MYH2: variants seen among roughly 807,000 people sequenced by gnomAD.
MYH2 encodes myosin heavy chain 2, also known as myosin-2.
A neutral mutation model predicts 228.1 loss-of-function variants in MYH2; 139 were observed. That is an observed-to-expected ratio of 0.61 (90% CI 0.53 to 0.70). The LOEUF (loss-of-function observed/expected upper bound fraction) is 0.70. Among genes scored for constraint, MYH2 ranks in the 30% least tolerant of loss-of-function variants. MYH2 has a pLI of 0.00. For synonymous variants in MYH2, 796 were observed against 871.1 expected (o/e 0.91, Z 1.52); for missense variants, 1,809 against 2,357.5 (o/e 0.77, Z 4.82).
intron 18 of MYH2, 36 bp downstream of exon 18, chr17:10,535,242 A>G (rs1289835676): frequency 6.2e-7 from 1 of 1,613,932 alleles, no homozygotes. Flanking sequence ...GAGGTGTGGC[A>G]GTCATCCTTT....
intron 36 of MYH2, 39 bp from the exon 37 acceptor site, chr17:10,523,705 A>G: frequency 6.2e-7 from 1 of 1,614,238 alleles, no homozygotes; most frequent in Non-Finnish European, 8.5e-7. Flanking sequence ...AGAAAGTTAT[A>G]GATGTCAGGA....
At chr17:10,547,335 A>G (rs1197484523) in intron 4 of MYH2, 140 bp downstream of exon 4, 16 of 1,161,474 alleles carry the variant, frequency 1.4e-5, no homozygotes, top group South Asian at 1.2e-4. Flanking sequence ...TACGATAGCA[A>G]TCATGAAGCC....
chr17:10,537,097 C>CT lies in MYH2; in HGVS notation c.1897+135dup. Reference sequence around the variant, plus strand: ...GAGCCACAAATGTATAATTACAAGGCTGCCTATCTATTCAATACTTGGAGG... The same window carrying CT: ...GAGCCACAAATGTATAATTACAAGGCTTGCCTATCTATTCAATACTTGGAGG... On this transcript the variant is annotated intron_variant, in intron 16 of 39. Coordinates refer to ENST00000245503, the MANE Select transcript of MYH2 (RefSeq NM_017534.6). This position sits in a 1 kb window ranked among gnomAD's most constrained non-coding sequence, Gnocchi z 4.0. 1.7e-6 allele frequency: 2 copies of CT among 1,165,718 alleles called. No homozygotes were observed. The highest frequency in any genetic ancestry group is 2.5e-6 in the Non-Finnish European group (2 of 788,420). 72.2% of individuals were successfully genotyped at this position (1,165,718 alleles called of 1,614,324 possible).
intron 4 of MYH2, among the ~76,000 whole-genome samples, chr17:10,546,020 T>C (rs1483681830): frequency 2.0e-5 from 3 of 151,930 alleles, no homozygotes; most frequent in African/African-American, 7.3e-5. Flanking sequence ...ACTTTTATTG[T>C]TTTATGGAAA....
chr17:10,535,129 G>A lies in MYH2; in HGVS notation c.2124C>T (p.Ile708=), dbSNP rs764971385. The A allele has an allele frequency of 6.8e-6, 11 of 1,614,130 alleles. No homozygotes were observed. The South Asian group carries it at 1.2e-4, about 18-fold the overall frequency. The change falls in exon 19 of 40, where the codon ATC becomes ATT. Residue 708 remains isoleucine, a synonymous_variant. Coordinates refer to ENST00000245503, the MANE Select transcript of MYH2 (RefSeq NM_017534.6). The part of the protein sequence containing the change: ...QLRCNGVLEG[I]RICRKGFPSR... ...TTGGAAATCCTTTCCTACAGATGCGGATGCCTTCCAGCACACCGTTACACC... is the reference window on the plus strand; with the variant it reads ...TTGGAAATCCTTTCCTACAGATGCGAATGCCTTCCAGCACACCGTTACACC...
At position 10,544,112 on chromosome 17, in the gene MYH2, G is replaced by C. The variant is rs2073595460; in HGVS notation, c.521C>G (p.Ser174Ter). 1 of 1,614,002 alleles carries C rather than the reference G, an allele frequency of 6.2e-7. No homozygotes were observed. Among genetic ancestry groups the C allele is most frequent in the Non-Finnish European group, 8.5e-7 (1 of 1,179,888 alleles). The change falls in exon 6 of 40, where the codon TCA (serine) becomes TGA (stop). Residue 174 changes from serine (S) to a stop codon, truncating the protein, a stop_gained. Coordinates refer to ENST00000245503, the MANE Select transcript of MYH2 (RefSeq NM_017534.6). LOFTEE classifies it high-confidence loss of function. ...AAAATCTACTTACGTGATCAGGATTGACTGATTCTCTCGGTCTACAAAAGA... is the reference window on the plus strand; with the variant it reads ...AAAATCTACTTACGTGATCAGGATTCACTGATTCTCTCGGTCTACAAAAGA... ...QFMLTDRENQ[S>*]ILITGESGAG...
chr17:10,534,691 C>A (rs540723578), intron 19 of MYH2, among the ~76,000 whole-genome samples: 1 of 152,156 alleles, frequency 6.6e-6, no homozygotes, highest in Admixed American at 6.5e-5. Flanking sequence ...CCAAGGCTGG[C>A]GGATGACCTG....
intron 29 of MYH2, 33 bp from the exon 30 acceptor site, chr17:10,526,828 A>C (rs933004945): frequency 6.2e-7 from 1 of 1,614,040 alleles, no homozygotes; most frequent in African/African-American, 1.3e-5. Flanking sequence ...ATTTTACTGG[A>C]TATTTAAATA....
chr17:10,521,289 A>G lies in MYH2; in HGVS notation c.5817T>C (p.Ser1939=). The change falls in exon 40 of 40, where the codon AGT becomes AGC. Residue 1939 remains serine (S), a synonymous_variant. Coordinates refer to ENST00000245503, the MANE Select transcript of MYH2 (RefSeq NM_017534.6). ...TGGCATCAGGACATGATCACTCTTCACTTATGACTTTTGTGTGAACCTCCC... is the reference window on the plus strand; with the variant it reads ...TGGCATCAGGACATGATCACTCTTCGCTTATGACTTTTGTGTGAACCTCCC... The part of the protein sequence containing the change: ...KSREVHTKVI[S]EE 2 of 1,613,768 alleles carry G rather than the reference A, an allele frequency of 1.2e-6. No individual in the cohort carries two copies. Among genetic ancestry groups the G allele is most frequent in the Non-Finnish European group, 1.7e-6 (2 of 1,180,014 alleles).
intron 19 of MYH2, among the ~76,000 whole-genome samples, chr17:10,533,919 G>T (rs561464483): frequency 6.6e-6 from 1 of 152,290 alleles, no homozygotes; most frequent in South Asian, 2.1e-4. Flanking sequence ...CCAATAAAAT[G>T]TAATCTGTTA....
Position 10,525,885 on chromosome 17 carries a change from T to G in MYH2, c.4188-9A>C. 1 of 1,613,710 alleles carries G rather than the reference T, an allele frequency of 6.2e-7. No homozygotes were observed. The highest frequency in any genetic ancestry group is 8.5e-7 in the Non-Finnish European group (1 of 1,179,670). Reference sequence around the variant, plus strand: ...GCTGGGCCAGCTTCTTCCTTGAATATTATACATGTTTTCAGAGAGAAGTGA... The same window carrying G: ...GCTGGGCCAGCTTCTTCCTTGAATAGTATACATGTTTTCAGAGAGAAGTGA... On this transcript the variant is annotated splice_polypyrimidine_tract_variant and intron_variant, in intron 30 of 39. Transcript: ENST00000245503. The surrounding 1 kb of genome is among the most constrained non-coding windows in gnomAD (Gnocchi z 4.2).
At chr17:10,545,740 G>T (rs186886650) in intron 4 of MYH2, among the ~76,000 whole-genome samples, 14 of 152,020 alleles carry the variant, frequency 9.2e-5, no homozygotes, top group Non-Finnish European at 1.8e-4. Flanking sequence ...AATTTTGTAC[G>T]TGCTTTTTGT....
intron 28 of MYH2, among the ~76,000 whole-genome samples, 155 bp downstream of exon 28, chr17:10,527,593 C>T (rs2073370061): frequency 6.6e-6 from 1 of 152,234 alleles, no homozygotes; most frequent in African/African-American, 2.4e-5. Context: ...AGCATTGTCC[C>T]AAGATGACCT....
Position 10,535,132 on chromosome 17 carries a change from G to C in MYH2, c.2121C>G (p.Gly707=). ...GAAATCCTTTCCTACAGATGCGGATGCCTTCCAGCACACCGTTACACCTCA... is the reference window on the plus strand; with the variant it reads ...GAAATCCTTTCCTACAGATGCGGATCCCTTCCAGCACACCGTTACACCTCA... ...HQLRCNGVLE[G]IRICRKGFPS... Residue 707 remains glycine (G), a synonymous_variant, in exon 19 of 40, where the codon GGC becomes GGG. Transcript: ENST00000245503. The C allele has an allele frequency of 6.2e-7, 1 of 1,614,188 alleles. No homozygotes were observed. Among genetic ancestry groups the C allele is most frequent in the Non-Finnish European group, 8.5e-7 (1 of 1,180,036 alleles).
At chr17:10,521,730 C>T (rs888513411) in intron 39 of MYH2, among the ~76,000 whole-genome samples, 2 of 151,830 alleles carry the variant, frequency 1.3e-5, no homozygotes, top group African/African-American at 4.8e-5. Context: ...ATATTAAAGT[C>T]ATAGTTGTTA....
At position 10,533,435 on chromosome 17, in the gene MYH2, GA is replaced by G. The variant is rs2073447944; in HGVS notation, c.2305-15del. ...TTTGAAAAAGACCTGTGAATGGAAAGAGTTGCAAATCACAAGCTTTAATAAA... is the reference window on the plus strand; with the variant it reads ...TTTGAAAAAGACCTGTGAATGGAAAGGTTGCAAATCACAAGCTTTAATAAA... On this transcript the variant is annotated splice_polypyrimidine_tract_variant and intron_variant, in intron 20 of 39. Coordinates refer to ENST00000245503, the MANE Select transcript of MYH2 (RefSeq NM_017534.6). 1.9e-6 allele frequency: 3 copies of G among 1,614,176 alleles called. No individual in the cohort carries two copies. Among genetic ancestry groups the G allele is most frequent in the Admixed American group, 1.7e-5 (1 of 60,020 alleles).
At chr17:10,539,408 T>G in intron 13 of MYH2, 36 bp downstream of exon 13, 1 of 1,614,150 alleles carries the variant, frequency 6.2e-7, no homozygotes. Context: ...TGAAAATGCT[T>G]TCATCCCTGG....
chr17:10,532,031 T>C, intron 21 of MYH2, 143 bp from the exon 22 acceptor site: 1 of 1,070,298 alleles, frequency 9.3e-7, no homozygotes, highest in Non-Finnish European at 1.4e-6. Context: ...TTCGGGATGA[T>C]GGTCAAGGTC....
chr17:10,539,570 GAAGA>G lies in MYH2; in HGVS notation c.1148-12_1148-9del. 1 of 1,606,208 alleles carries G rather than the reference GAAGA, an allele frequency of 6.2e-7. No homozygotes were observed. The highest frequency in any genetic ancestry group is 8.5e-7 in the Non-Finnish European group (1 of 1,172,874). On this transcript the variant is annotated splice_polypyrimidine_tract_variant and intron_variant, in intron 12 of 39. Coordinates refer to ENST00000245503, the MANE Select transcript of MYH2 (RefSeq NM_017534.6). The stretch of plus-strand genomic sequence containing the variant: ...AGGCCGCCTTGTCAGCAACTAAAAA[GAAGA>G]AAGAGTAGAACAATGTTATTGTGGC...
Sources: allele counts gnomAD v4.1 joint callset (sites outside exome capture counted in the v4.1 genomes callset), GRCh38; gene constraint gnomAD v4.1.1; non-coding constraint Gnocchi (gnomAD v3.1); transcripts MANE v1.5; gene names NCBI Gene and HGNC (gene_info 2026-07-23, HGNC 2026-07-21).